Variants in PTER observed in about 807,000 individuals in gnomAD.
The protein encoded by PTER is phosphotriesterase related, also known as N-acetyltaurine hydrolase.
PTER carries 38 observed loss-of-function variants against 29.6 expected under a neutral mutation model. The observed-to-expected ratio is 1.28, with a 90% CI of 0.99 to 1.68. The LOEUF is 1.68. Among genes scored for constraint, PTER ranks in the 40% most tolerant of loss-of-function variants. PTER has a pLI of 0.00. For missense variants in PTER, 482 were observed against 427.8 expected, an observed-to-expected ratio of 1.13 and a Z score of -1.12; for synonymous variants, 172 against 154.5, an observed-to-expected ratio of 1.11 and a Z score of -0.84.
intron 3 of PTER, among the ~76,000 whole-genome samples, chr10:16,489,520 A>C (rs1036603729): frequency 6.8e-6 from 1 of 147,474 alleles, no homozygotes; most frequent in South Asian, 2.2e-4. Flanking sequence ...AATTATTATG[A>C]GTATTAGGTT....
chr10:16,465,670 A>C (rs1470751506), intron 1 of PTER, among the ~76,000 whole-genome samples: 1 of 152,162 alleles, frequency 6.6e-6, no homozygotes, highest in Non-Finnish European at 1.5e-5. Flanking sequence ...ACATTTATTG[A>C]TCATCTGCCT....
chr10:16,497,029 G>C (rs910801755), intron 3 of PTER, among the ~76,000 whole-genome samples: 3 of 151,640 alleles, frequency 2.0e-5, no homozygotes, highest in African/African-American at 7.3e-5. Flanking sequence ...TTGCCTCCTG[G>C]GTTCCAGCAG....
chr10:16,515,372 C>T (rs934701718), downstream of PTER, among the ~76,000 whole-genome samples: 4 of 152,132 alleles, frequency 2.6e-5, no homozygotes, highest in Admixed American at 6.5e-5. Context: ...TTTTTTCCAT[C>T]GTGTCTTTTT....
At chr10:16,451,822 T>C (rs1315902338) in intron 1 of PTER, among the ~76,000 whole-genome samples, 1 of 152,314 alleles carries the variant, frequency 6.6e-6, no homozygotes, top group African/African-American at 2.4e-5. Flanking sequence ...CAGAAAAGGA[T>C]TTCTTTCATA....
intron 3 of PTER, among the ~76,000 whole-genome samples, chr10:16,497,869 G>A (rs1836172930): frequency 6.6e-6 from 1 of 151,990 alleles, no homozygotes; most frequent in Non-Finnish European, 1.5e-5. Context: ...TAAGAAACTG[G>A]GTATATGATA....
chr10:16,477,087 G>C (rs1174011267), intron 1 of PTER, among the ~76,000 whole-genome samples: 1 of 151,876 alleles, frequency 6.6e-6, no homozygotes, highest in African/African-American at 2.4e-5. Flanking sequence ...TGTGTTTTTA[G>C]TAGAGATGGG....
intron 1 of PTER, among the ~76,000 whole-genome samples, chr10:16,459,259 G>C (rs1446765272): frequency 6.6e-6 from 1 of 152,194 alleles, no homozygotes; most frequent in Non-Finnish European, 1.5e-5. Flanking sequence ...AAGGTCAGCT[G>C]AAGCTGGACG....
At chr10:16,453,524 C>T (rs1384786490) in intron 1 of PTER, among the ~76,000 whole-genome samples, 1 of 152,060 alleles carries the variant, frequency 6.6e-6, no homozygotes, top group Admixed American at 6.5e-5. Context: ...TCTATTCTTA[C>T]TCACAAGCAG....
intron 1 of PTER, among the ~76,000 whole-genome samples, chr10:16,473,522 A>G (rs1835135117): frequency 3.2e-5 from 3 of 94,634 alleles, no homozygotes; most frequent in East Asian, 3.6e-4. Flanking sequence ...TCCATCCGAA[A>G]AAAAAAAAAA....
rs1268437097 is a variant in PTER, at chr10:16,511,426, G to T, written c.*170G>T. On this transcript the variant is annotated 3_prime_UTR_variant, in exon 5 of 5. Coordinates refer to ENST00000535784, the MANE Select transcript of PTER (RefSeq NM_001261836.2). ...CTCTGAGACCAGCTATTACAACTGT[G>T]CCTCTAGGGAGTTACTCAGCCTAAT... 11 of 628,310 alleles carry T rather than the reference G, an allele frequency of 1.8e-5. No individual in the cohort carries two copies. Among genetic ancestry groups the T allele is most frequent in the African/African-American group, 1.3e-4 (7 of 54,530 alleles). The allele number at this position is 628,310 out of a possible 1,614,324, so 38.9% of individuals were successfully genotyped here.
chr10:16,517,770 A>G (rs1157122845), downstream of PTER, among the ~76,000 whole-genome samples: 1 of 152,212 alleles, frequency 6.6e-6, no homozygotes, highest in Non-Finnish European at 1.5e-5. Flanking sequence ...ATTAGAGATC[A>G]TATTTATGGT....
chr10:16,505,257 G>A, intron 4 of PTER, 97 bp downstream of exon 4: 2 of 1,459,582 alleles, frequency 1.4e-6, no homozygotes, highest in Non-Finnish European at 9.3e-7. Context: ...AAAACAGTAA[G>A]CAGGCCGAAC....
chr10:16,515,271 C>A (rs1340557096), downstream of PTER, among the ~76,000 whole-genome samples: 3 of 151,170 alleles, frequency 2.0e-5, no homozygotes, highest in Non-Finnish European at 2.9e-5. Context: ...CTTTCCAAAT[C>A]TAATTCATGT....
intron 1 of PTER, among the ~76,000 whole-genome samples, chr10:16,459,262 G>A (rs1313982002): frequency 6.6e-6 from 1 of 152,166 alleles, no homozygotes; most frequent in Non-Finnish European, 1.5e-5. Context: ...GTCAGCTGAA[G>A]CTGGACGATT....
chr10:16,501,949 C>T (rs1299986012), intron 3 of PTER, among the ~76,000 whole-genome samples: 1 of 152,192 alleles, frequency 6.6e-6, no homozygotes, highest in South Asian at 2.1e-4. Flanking sequence ...AGTAAGTTCT[C>T]ATAATTGTCA....
downstream of PTER, among the ~76,000 whole-genome samples, chr10:16,515,622 A>G (rs1216612300): frequency 6.6e-6 from 1 of 152,176 alleles, no homozygotes; most frequent in Non-Finnish European, 1.5e-5. Context: ...GTTGATAGAC[A>G]TTTACAAACA....
At chr10:16,471,028 C>T (rs535067655) in intron 1 of PTER, among the ~76,000 whole-genome samples, 5 of 152,104 alleles carry the variant, frequency 3.3e-5, no homozygotes, top group Non-Finnish European at 7.4e-5. Flanking sequence ...AACTGTGATA[C>T]GAATTATTCA....
At chr10:16,505,981 G>A (rs1836545127) in intron 4 of PTER, among the ~76,000 whole-genome samples, 1 of 151,086 alleles carries the variant, frequency 6.6e-6, no homozygotes, top group African/African-American at 2.4e-5. Flanking sequence ...TTTAAGGAAT[G>A]GAGTAGGAAC....
chr10:16,445,854 T>G (rs904642449), intron 1 of PTER, among the ~76,000 whole-genome samples: 12 of 152,008 alleles, frequency 7.9e-5, no homozygotes, highest in African/African-American at 2.7e-4. Context: ...GGGGCTGACA[T>G]GGCCAAAGCC....
Sources: allele counts gnomAD v4.1 joint callset (sites outside exome capture counted in the v4.1 genomes callset), GRCh38; gene constraint gnomAD v4.1.1; transcripts MANE v1.5; gene names NCBI Gene and HGNC (gene_info 2026-07-23, HGNC 2026-07-21).